Variants in MCMDC2 observed in about 807,000 individuals in gnomAD.
The protein encoded by MCMDC2 is minichromosome maintenance domain containing 2, also known as minichromosome maintenance domain-containing protein 2.
MCMDC2 carries 54 observed loss-of-function variants against 75.8 expected under a neutral mutation model. The observed-to-expected ratio is 0.71, with a 90% CI of 0.57 to 0.89. MCMDC2 has a LOEUF of 0.89. Among genes scored for constraint, MCMDC2 ranks in the 40% least tolerant of loss-of-function variants. The pLI is 0.00. For missense variants in MCMDC2, 656 were observed against 780.4 expected (o/e 0.84, Z 1.90); for synonymous variants, 249 against 274.6 (o/e 0.91, Z 0.92).
chr8:66,896,531 C>A (rs976451577), intron 11 of MCMDC2, among the ~76,000 whole-genome samples, 195 bp downstream of exon 11: 1 of 151,814 alleles, frequency 6.6e-6, no homozygotes, highest in Non-Finnish European at 1.5e-5. Flanking sequence ...CTGGAAATTA[C>A]TATTTGAATA....
chr8:66,914,508 C>G (rs1813234316), intron 14 of MCMDC2, among the ~76,000 whole-genome samples: 1 of 152,082 alleles, frequency 6.6e-6, no homozygotes, highest in Admixed American at 6.6e-5. Context: ...GTTTTCAAAA[C>G]ACTGAAAGAG....
chr8:66,916,843 A>T (rs554596475), intron 14 of MCMDC2, among the ~76,000 whole-genome samples: 5 of 152,114 alleles, frequency 3.3e-5, no homozygotes, highest in Admixed American at 6.6e-5. Context: ...CTAGTTTCCT[A>T]TGACCGTGGG....
intron 5 of MCMDC2, among the ~76,000 whole-genome samples, 197 bp from the exon 6 acceptor site, chr8:66,878,377 T>C (rs1325334811): frequency 6.6e-6 from 1 of 152,142 alleles, no homozygotes; most frequent in East Asian, 1.9e-4. Context: ...TGAACTACCC[T>C]GAACCCAAGT....
At chr8:66,872,590 T>C (rs11990461) in intron 1 of MCMDC2, among the ~76,000 whole-genome samples, 19,596 of 152,008 alleles carry the variant, frequency 0.13, 2,410 homozygotes, top group African/African-American at 0.32. Flanking sequence ...ATAGGGACAA[T>C]ATTTTACTCA....
intron 12 of MCMDC2, 43 bp downstream of exon 12, chr8:66,897,002 G>A: frequency 2.0e-6 from 3 of 1,529,068 alleles, no homozygotes; most frequent in Non-Finnish European, 1.8e-6. Context: ...CTGTGCTAAT[G>A]TTTCTCAAAT....
intron 1 of MCMDC2, among the ~76,000 whole-genome samples, chr8:66,873,850 G>T (rs1484186856): frequency 6.6e-6 from 1 of 151,808 alleles, no homozygotes. Context: ...TTGCGCCACT[G>T]CACTCCAGCC....
Position 66,890,980 on chromosome 8 carries a change from G to T in MCMDC2, c.1189G>T (p.Ala397Ser). 6.2e-7 allele frequency: 1 copy of T among 1,609,506 alleles called. No homozygotes were observed. Among genetic ancestry groups the T allele is most frequent in the Non-Finnish European group, 8.5e-7 (1 of 1,179,048 alleles). Residue 397 changes from alanine to serine, a missense_variant, in exon 10 of 15, where the codon GCT becomes TCT. Transcript: ENST00000422365. ...KYGTGAVSIQ[A>S]GSALLAKGGI... ...TGGAACTGGAGCAGTTAGCATTCAG[G>T]CTGGCAGTGCTTTGCTAGCTAAAGG...
intron 12 of MCMDC2, among the ~76,000 whole-genome samples, chr8:66,900,554 A>G (rs1303025932): frequency 6.6e-6 from 1 of 152,206 alleles, no homozygotes; most frequent in Non-Finnish European, 1.5e-5. Flanking sequence ...TCCTGCAGTT[A>G]TCTGAATTGA....
intron 8 of MCMDC2, among the ~76,000 whole-genome samples, chr8:66,883,227 C>G (rs1811677358): frequency 6.6e-6 from 1 of 152,198 alleles, no homozygotes; most frequent in South Asian, 2.1e-4. Context: ...GAATATAAAT[C>G]TTTCCATTTA....
At chr8:66,893,011 A>G (rs953810426) in intron 10 of MCMDC2, among the ~76,000 whole-genome samples, 2 of 152,152 alleles carry the variant, frequency 1.3e-5, no homozygotes, top group African/African-American at 4.8e-5. Context: ...CATGAGAGAT[A>G]TTGGTCTGTA....
Position 66,884,037 on chromosome 8 carries a change from A to T in MCMDC2, c.1073+43A>T. Reference sequence around the variant, plus strand: ...ATTTTTACAAATATTAATTGGTCACAGATTTGCATACATCCTTTCCATGAG... The same window carrying T: ...ATTTTTACAAATATTAATTGGTCACTGATTTGCATACATCCTTTCCATGAG... On this transcript the variant is annotated intron_variant, in intron 9 of 14. Transcript: ENST00000422365. 4 of 1,233,842 alleles carry T rather than the reference A, an allele frequency of 3.2e-6. No individual in the cohort carries two copies. The South Asian group carries it at 3.6e-5, about 11-fold the overall frequency. The allele number at this position is 1,233,842 out of a possible 1,614,324, so 76.4% of individuals were successfully genotyped here. A position where few individuals can be genotyped will look rare whatever the true frequency, so the allele number is the denominator to read the frequency against.
Position 66,883,758 on chromosome 8 carries a change from TC to T in MCMDC2, c.839del (p.Pro280LeufsTer14). The T allele has an allele frequency of 1.3e-6, 2 of 1,567,814 alleles. No homozygotes were observed. Among genetic ancestry groups the T allele is most frequent in the South Asian group, 1.1e-5 (1 of 88,778 alleles). On this transcript the variant is annotated frameshift_variant and splice_region_variant, in exon 9 of 15. Coordinates refer to ENST00000422365, the MANE Select transcript of MCMDC2 (RefSeq NM_173518.5). LOFTEE classifies it high-confidence loss of function. ...NSITFCNSKV[P>X]SGISDNFRCL... is the part of the protein sequence containing the mutation. ...ATATATGTTAATATTTACTTTCAGT[TC>T]CTTCAGGAATTAGTGACAACTTCAG...
intron 14 of MCMDC2, among the ~76,000 whole-genome samples, chr8:66,915,788 G>T (rs1343431568): frequency 6.6e-6 from 1 of 152,100 alleles, no homozygotes; most frequent in African/African-American, 2.4e-5. Context: ...GGGAACCCCA[G>T]GACTGCCCTT....
Position 66,920,505 on chromosome 8 carries a change from G to A in MCMDC2, c.*1336G>A, listed in dbSNP as rs1813484232. ...CAAAGTGCTAAGACAACAGGTATGA[G>A]CCAACACGACTGGCGACTGTAGTTT... On this transcript the variant is annotated 3_prime_UTR_variant, in exon 15 of 15. Coordinates refer to ENST00000422365, the MANE Select transcript of MCMDC2 (RefSeq NM_173518.5). The A allele has an allele frequency of 6.6e-6, 1 of 152,160 alleles. No individual in the cohort carries two copies. 9.4% of individuals were successfully genotyped at this position (152,160 alleles called of 1,614,324 possible).
chr8:66,916,648 G>T (rs1462001435), intron 14 of MCMDC2, among the ~76,000 whole-genome samples: 1 of 152,154 alleles, frequency 6.6e-6, no homozygotes, highest in African/African-American at 2.4e-5. Context: ...GGAGGGACTG[G>T]CTAAAGGGAG....
At chr8:66,877,646 C>T in intron 5 of MCMDC2, 102 bp downstream of exon 5, 1 of 816,616 alleles carries the variant, frequency 1.2e-6, no homozygotes, top group Non-Finnish European at 1.8e-6. Flanking sequence ...GGGAGGATCA[C>T]CTGAGCTCAG....
chr8:66,884,851 A>C (rs979325373), intron 9 of MCMDC2, among the ~76,000 whole-genome samples: 2 of 152,078 alleles, frequency 1.3e-5, no homozygotes, highest in African/African-American at 4.8e-5. Flanking sequence ...TTCATGGCTC[A>C]CAACAGCCTC....
At chr8:66,891,877 A>G (rs1812124262) in intron 10 of MCMDC2, among the ~76,000 whole-genome samples, 1 of 152,078 alleles carries the variant, frequency 6.6e-6, no homozygotes, top group Non-Finnish European at 1.5e-5. Flanking sequence ...GCTTCATGCA[A>G]GGCTGTAGCT....
At chr8:66,924,044 TA>T (rs1694192990), downstream of MCMDC2, among the ~76,000 whole-genome samples, 3 of 152,108 alleles carry the variant, frequency 2.0e-5, no homozygotes, top group Admixed American at 1.3e-4. Flanking sequence ...GGTAATATTA[TA>T]GTTCTCAAAT....
Sources: allele counts gnomAD v4.1 joint callset (sites outside exome capture counted in the v4.1 genomes callset), GRCh38; gene constraint gnomAD v4.1.1; transcripts MANE v1.5; gene names NCBI Gene and HGNC (gene_info 2026-07-23, HGNC 2026-07-21).